The following CLYBL variants were observed in gnomAD, a reference collection of about 807,000 sequenced individuals.
CLYBL encodes the protein citramalyl-CoA lyase, mitochondrial.
CLYBL carries 31 observed loss-of-function variants against 38.9 expected under a neutral mutation model. The observed-to-expected ratio is 0.80, with a 90% confidence interval of 0.60 to 1.08. The LOEUF (loss-of-function observed/expected upper bound fraction) is 1.08, where lower values mean the gene tolerates loss of function less well. CLYBL is among the 50% of genes least tolerant of loss of function. CLYBL has a pLI of 0.00. For synonymous variants in CLYBL, 171 were observed against 158.6 expected, an observed-to-expected ratio of 1.08 and a Z score of -0.59; for missense variants, 434 against 411.6, an observed-to-expected ratio of 1.05 and a Z score of -0.47.
At chr13:99,854,442 T>C (rs1464331804) in intron 2 of CLYBL, among the ~76,000 whole-genome samples, 1 of 151,428 alleles carries the variant, frequency 6.6e-6, no homozygotes, top group African/African-American at 2.4e-5. Context: ...GACAGTAGAA[T>C]TGATGCCGCT....
intron 1 of CLYBL, among the ~76,000 whole-genome samples, chr13:99,704,602 T>C (rs1347927953): frequency 6.6e-6 from 1 of 152,360 alleles, no homozygotes; most frequent in South Asian, 2.1e-4. Flanking sequence ...GAAACCGGCC[T>C]GTGTTGAGTA....
chr13:99,728,238 G>A (rs995558750), intron 1 of CLYBL, among the ~76,000 whole-genome samples: 3 of 151,304 alleles, frequency 2.0e-5, no homozygotes, highest in African/African-American at 4.9e-5. Flanking sequence ...ATATAAACTG[G>A]GTACTTATTA....
At chr13:99,650,178 G>A (rs905944099) in intron 1 of CLYBL, among the ~76,000 whole-genome samples, 2 of 151,778 alleles carry the variant, frequency 1.3e-5, no homozygotes, top group Non-Finnish European at 2.9e-5. Flanking sequence ...CAGGAGAATG[G>A]CGTGAACCCA....
chr13:99,768,745 C>T (rs1161794746), intron 1 of CLYBL, among the ~76,000 whole-genome samples: 3 of 151,534 alleles, frequency 2.0e-5, no homozygotes, highest in Middle Eastern at 3.5e-3. Flanking sequence ...ACTCTGACCT[C>T]GGGTGATTCC....
intron 1 of CLYBL, among the ~76,000 whole-genome samples, chr13:99,665,236 T>C (rs2047463231): frequency 6.6e-6 from 1 of 151,960 alleles, no homozygotes; most frequent in Non-Finnish European, 1.5e-5. Context: ...ATCTGATTAG[T>C]GTTTCTAAGA....
At chr13:99,788,802 T>G (rs971335603) in intron 2 of CLYBL, among the ~76,000 whole-genome samples, 1 of 152,208 alleles carries the variant, frequency 6.6e-6, no homozygotes. Flanking sequence ...GTACCTCTGG[T>G]AGAGTTTGGC....
chr13:99,742,330 C>A (rs761082329), intron 1 of CLYBL, among the ~76,000 whole-genome samples: 6 of 152,154 alleles, frequency 3.9e-5, no homozygotes, highest in Non-Finnish European at 7.3e-5. Context: ...AAGCAGGAAG[C>A]CTTCTTTGCT....
chr13:99,743,424 G>C (rs559574593), intron 1 of CLYBL, among the ~76,000 whole-genome samples: 23 of 152,242 alleles, frequency 1.5e-4, no homozygotes, highest in South Asian at 4.1e-4. Flanking sequence ...TATCCCCAGA[G>C]GTAAATTGAA....
intron 1 of CLYBL, among the ~76,000 whole-genome samples, chr13:99,697,943 G>A (rs929165487): frequency 3.3e-5 from 5 of 151,904 alleles, no homozygotes; most frequent in Non-Finnish European, 4.4e-5. Context: ...CCACCCCACC[G>A]GGCCTCCCAA....
At chr13:99,736,672 T>C (rs1161065428) in intron 1 of CLYBL, among the ~76,000 whole-genome samples, 2 of 152,188 alleles carry the variant, frequency 1.3e-5, no homozygotes, top group Admixed American at 6.5e-5. Flanking sequence ...GCTCCCAGAA[T>C]GCATCTTTGA....
chr13:99,660,093 A>G (rs548299770), intron 1 of CLYBL, among the ~76,000 whole-genome samples: 1 of 152,326 alleles, frequency 6.6e-6, no homozygotes, highest in Admixed American at 6.5e-5. Context: ...CTTAGGAGCT[A>G]GGTGCGAATG....
chr13:99,744,039 A>G (rs1271632362), intron 1 of CLYBL, among the ~76,000 whole-genome samples: 13 of 130,266 alleles, frequency 1.0e-4, no homozygotes, highest in African/African-American at 3.6e-4. Flanking sequence ...GTGGCGCGAT[A>G]TCAGCTCACT....
At chr13:99,815,949 G>T (rs1385515837) in intron 2 of CLYBL, among the ~76,000 whole-genome samples, 3 of 152,126 alleles carry the variant, frequency 2.0e-5, no homozygotes, top group Non-Finnish European at 2.9e-5. Flanking sequence ...TATCAGCAGA[G>T]CAGCCTGGCT....
downstream of CLYBL, among the ~76,000 whole-genome samples, chr13:99,900,607 G>C (rs574064853): frequency 3.2e-4 from 49 of 152,136 alleles, no homozygotes; most frequent in African/African-American, 1.1e-3. Context: ...CCTGCTAGGG[G>C]ACTTGCTCAA....
rs529773064 is a variant in CLYBL, at chr13:99,849,998, C to T, written c.250-8863C>T. 4.6e-5 allele frequency among the ~76,000 whole-genome samples: 7 copies of T among 152,268 alleles called. 1 individual carries two copies. The South Asian group carries it at 1.5e-3, about 32-fold the overall frequency. ...CACACCATATACAAATATATATACT[C>T]AAAATGTATTAAAGACCTAAATGTT... On this transcript the variant is annotated intron_variant, in intron 2 of 8. Coordinates refer to ENST00000339105, the MANE Select transcript of CLYBL (RefSeq NM_206808.5). This position sits in a 1 kb window ranked among gnomAD's most constrained non-coding sequence, Gnocchi z 4.9.
chr13:99,608,181 C>T (rs546868125), intron 1 of CLYBL, among the ~76,000 whole-genome samples: 1 of 150,768 alleles, frequency 6.6e-6, no homozygotes, highest in Non-Finnish European at 1.5e-5. Flanking sequence ...AAGTGATTCT[C>T]CTGCCGCAGC....
At chr13:99,899,031 A>G (rs1480764796), downstream of CLYBL, among the ~76,000 whole-genome samples, 1 of 152,188 alleles carries the variant, frequency 6.6e-6, no homozygotes, top group African/African-American at 2.4e-5. Context: ...CTCTACCACT[A>G]ATGGGTTAGG....
chr13:99,811,813 T>C (rs1274302711), intron 2 of CLYBL, among the ~76,000 whole-genome samples: 2 of 152,166 alleles, frequency 1.3e-5, no homozygotes, highest in African/African-American at 2.4e-5. Context: ...CATTTTGTTA[T>C]CTGGAATATA....
In CLYBL at chr13:99,606,755, G is replaced by T; in HGVS notation, c.60G>T (p.Arg20Ser). ...ARGAAAAALLRLKASLAADIP... is the reference protein window; with the variant it reads ...ARGAAAAALLSLKASLAADIP... ...GAGCTGCGGCGGCGGCGCTGCTGAG[G>T]CTGTGAGTGCAGGTCCCCGTTCCCC... is the stretch of plus-strand genomic sequence containing the variant. Residue 20 changes from arginine (R) to serine (S), a missense_variant and splice_region_variant, in exon 1 of 9, where the codon AGG (arginine) becomes AGT (serine). Transcript: ENST00000339105. 1 of 1,475,708 alleles carries T rather than the reference G, an allele frequency of 6.8e-7. No individual in the cohort carries two copies. 91.4% of individuals were successfully genotyped at this position (1,475,708 alleles called of 1,614,324 possible). A position where few individuals can be genotyped will look rare whatever the true frequency, so the allele number is the denominator to read the frequency against.
Sources: gnomAD v4.1 joint callset for allele counts (sites outside exome capture counted in the v4.1 genomes callset) on GRCh38, gnomAD v4.1.1 for gene constraint, Gnocchi (gnomAD v3.1) non-coding constraint, MANE v1.5 for transcripts, NCBI Gene and HGNC (gene_info 2026-07-23, HGNC 2026-07-21) for gene names.